Variants in SRP68 observed in about 807,000 individuals in gnomAD.
The protein encoded by SRP68 is signal recognition particle 68, also known as signal recognition particle subunit SRP68.
SRP68 carries 15 observed loss-of-function variants against 82.2 expected under a neutral mutation model. The ratio of observed to expected loss-of-function variants is 0.18; its 90% CI spans 0.12 to 0.28. SRP68 has a LOEUF of 0.28. Ranked by LOEUF, SRP68 falls within the 10% of genes least tolerant of loss-of-function variation. SRP68 has a pLI of 1.00. For synonymous variants in SRP68, 261 were observed against 292.6 expected, an observed-to-expected ratio of 0.89 and a Z score of 1.10; for missense variants, 595 against 780.5, an observed-to-expected ratio of 0.76 and a Z score of 2.83.
intron 12 of SRP68, 65 bp from the exon 13 acceptor site, chr17:76,044,023 T>C: frequency 6.5e-7 from 1 of 1,546,218 alleles, no homozygotes; most frequent in South Asian, 1.2e-5. Flanking sequence ...AAGGCTTTCC[T>C]TGCAGTTTAG....
At position 76,072,446 on chromosome 17, in the gene SRP68, TGCC is replaced by T. The variant is rs536477130; in HGVS notation, c.43_45del (p.Gly15del). On this transcript the variant is annotated inframe_deletion, in exon 1 of 16. Transcript: ENST00000307877. The surrounding 1 kb of genome is among the most constrained non-coding windows in gnomAD (Gnocchi z 4.5). ...CCGCCACTGCCACCGCCGCCGCCAC[TGCC>T]GCCGCCGCCGCCGCCGCCTGGGACC... The T allele has an allele frequency of 2.7e-4, 429 of 1,566,704 alleles. No individual in the cohort carries two copies. Among genetic ancestry groups the T allele is most frequent in the Admixed American group, 1.4e-3 (78 of 57,150 alleles).
rs948212781 is a variant in SRP68 at position 76,063,581 on chromosome 17, G to A, written c.561+395C>T. ...CACGTGCCTATAATCCCACCTACTCGGGAGGCTGAGGCAGGAGAATTGCTT... is the reference window on the plus strand; with the variant it reads ...CACGTGCCTATAATCCCACCTACTCAGGAGGCTGAGGCAGGAGAATTGCTT... On this transcript the variant is annotated intron_variant, in intron 4 of 15. Coordinates refer to ENST00000307877, the MANE Select transcript of SRP68 (RefSeq NM_014230.4). Among the ~76,000 whole-genome samples the A allele has an allele frequency of 4.6e-5, 7 of 151,792 alleles. No individual in the cohort carries two copies. In the South Asian group the frequency reaches 6.2e-4, roughly 14 times the overall value.
At position 76,062,705 on chromosome 17, in the gene SRP68, AT is replaced by A. The variant is rs2066770868; in HGVS notation, c.562-1132del. Among the ~76,000 whole-genome samples, 3 of 77,584 alleles carry A rather than the reference AT, an allele frequency of 3.9e-5. 1 individual carries two copies. The highest frequency in any genetic ancestry group is 2.0e-4 in the African/African-American group (3 of 15,114). 50.9% of individuals were successfully genotyped at this position (77,584 alleles called of 152,430 possible). On this transcript the variant is annotated intron_variant, in intron 4 of 15. Transcript: ENST00000307877. ...ATATAATATACATTATATATTGTATATTATACAATATATTATATTTATTTTA... is the reference window on the plus strand; with the variant it reads ...ATATAATATACATTATATATTGTATATATACAATATATTATATTTATTTTA...
rs551672640 is a variant in SRP68, at chr17:76,040,051, C to T, written c.1657-118G>A. Reference sequence around the variant, plus strand: ...ACAGGGGCCATCTCACTCAATCACTCAATCCCGACAGCCTCCTACGAGGAG... The same window carrying T: ...ACAGGGGCCATCTCACTCAATCACTTAATCCCGACAGCCTCCTACGAGGAG... On this transcript the variant is annotated intron_variant, in intron 15 of 15. Transcript: ENST00000307877. 7.5e-5 allele frequency: 73 copies of T among 969,214 alleles called. 1 individual carries two copies. In the African/African-American group the frequency reaches 1.1e-3, roughly 15 times the overall value. The allele number at this position is 969,214 out of a possible 1,614,324, so 60.0% of individuals were successfully genotyped here.
In SRP68 at chr17:76,050,612, G is replaced by T. The variant is rs557232153; in HGVS notation, c.979-86C>A. The T allele has an allele frequency of 3.2e-4, 274 of 863,576 alleles. No homozygotes were observed. The African/African-American group carries it at 4.0e-3, about 13-fold the overall frequency. The allele number at this position is 863,576 out of a possible 1,614,324, so 53.5% of individuals were successfully genotyped here. A position where few individuals can be genotyped will look rare whatever the true frequency, so the allele number is the denominator to read the frequency against. On this transcript the variant is annotated intron_variant, in intron 8 of 15. Coordinates refer to ENST00000307877, the MANE Select transcript of SRP68 (RefSeq NM_014230.4). ...GGAGAGGAGCAAAATCGCACATGGA[G>T]TCCCCCAACCACACACTCACTCACG...
At position 76,046,131 on chromosome 17, in the gene SRP68, C is replaced by T. The variant is rs1422165720; in HGVS notation, c.1206G>A (p.Leu402=). 1.9e-6 allele frequency: 3 copies of T among 1,613,862 alleles called. No individual in the cohort carries two copies. The African/African-American group carries it at 4.0e-5, about 22-fold the overall frequency. ...GCTGCTGCTGCAGCAGAGCCCTCTG[C>T]AGACCTTTGGCCATGTTCTCATTAC... ...IKRNENMAKG[L]QRALLQQQPE... Residue 402 remains leucine (L), a synonymous_variant, in exon 11 of 16, where the codon CTG becomes CTA. Transcript: ENST00000307877.
intron 4 of SRP68, among the ~76,000 whole-genome samples, chr17:76,062,652 A>G (rs1174238014): frequency 3.1e-5 from 1 of 32,612 alleles, no homozygotes; most frequent in South Asian, 4.5e-4. Flanking sequence ...AATATACATT[A>G]TATATTATAT....
chr17:76,060,285 CA>C (rs766062435), intron 7 of SRP68, 22 bp downstream of exon 7: 1 of 1,577,938 alleles, frequency 6.3e-7, no homozygotes, highest in Non-Finnish European at 8.7e-7. Flanking sequence ...AGACTTTTCA[CA>C]AAAATGTACA....
intron 3 of SRP68, among the ~76,000 whole-genome samples, chr17:76,064,952 A>T (rs1448929939): frequency 6.6e-6 from 1 of 152,112 alleles, no homozygotes; most frequent in African/African-American, 2.4e-5. Context: ...GACTGTGGGC[A>T]AAGTACTAAC....
intron 6 of SRP68, chr17:76,060,880 C>T (rs951696041): frequency 2.4e-5 from 12 of 498,784 alleles, no homozygotes; most frequent in Non-Finnish European, 3.5e-5. Context: ...GACTGCTCTT[C>T]GGGGGTACAC....
In SRP68 at chr17:76,072,511, G is replaced by A. The variant is rs1298200258; in HGVS notation, c.-20C>T. 1.9e-6 allele frequency: 3 copies of A among 1,577,722 alleles called. No homozygotes were observed. The highest frequency in any genetic ancestry group is 2.7e-5 in the African/African-American group (2 of 73,792). ...AGCCATCTTGCCCCTGCGCCGCAGA[G>A]CAAGACGGGATAGGGGAGGCGGGAC... On this transcript the variant is annotated 5_prime_UTR_variant, in exon 1 of 16. Coordinates refer to ENST00000307877, the MANE Select transcript of SRP68 (RefSeq NM_014230.4). This position sits in a 1 kb window ranked among gnomAD's most constrained non-coding sequence, Gnocchi z 4.5.
Position 76,039,077 on chromosome 17 carries a change from G to A in SRP68, c.*629C>T, listed in dbSNP as rs2144471009. ...GGAGAGAACGGGGACTGGACATGAG[G>A]GAGGGCATATAAGAAATGGGCACAG... On this transcript the variant is annotated 3_prime_UTR_variant, in exon 16 of 16. Coordinates refer to ENST00000307877, the MANE Select transcript of SRP68 (RefSeq NM_014230.4). 3.3e-6 allele frequency: 1 copy of A among 303,040 alleles called. No individual in the cohort carries two copies. Among genetic ancestry groups the A allele is most frequent in the East Asian group, 7.8e-5 (1 of 12,842 alleles). The allele number at this position is 303,040 out of a possible 1,614,324, so 18.8% of individuals were successfully genotyped here.
intron 8 of SRP68, among the ~76,000 whole-genome samples, chr17:76,052,803 CAAA>C (rs1235799698): frequency 2.6e-5 from 2 of 76,322 alleles, no homozygotes; most frequent in East Asian, 4.1e-4. Context: ...GACTCCATCT[CAAA>C]AAAAAAAAAA....
chr17:76,068,882 C>T (rs2066827071), intron 2 of SRP68, among the ~76,000 whole-genome samples: 1 of 152,122 alleles, frequency 6.6e-6, no homozygotes, highest in South Asian at 2.1e-4. Context: ...GGCACTATGG[C>T]ATGTGCCACC....
At chr17:76,064,838 C>T (rs2066794683) in intron 3 of SRP68, among the ~76,000 whole-genome samples, 1 of 98,762 alleles carries the variant, frequency 1.0e-5, no homozygotes, top group Non-Finnish European at 1.9e-5. Flanking sequence ...AAGACTCCAT[C>T]TCAAAAAAAA....
chr17:76,050,387 C>T (rs758091248), intron 9 of SRP68, 41 bp downstream of exon 9: 16 of 1,459,286 alleles, frequency 1.1e-5, no homozygotes, highest in South Asian at 9.1e-5. Flanking sequence ...CTGACCTGGA[C>T]CCGCCCAGAG....
rs755013769 is a variant in SRP68 at position 76,072,413 on chromosome 17, T to TACCGCCGCCGCCACTGCC, written c.61_78dup (p.Gly21_Gly26dup). 660 of 1,595,666 alleles carry TACCGCCGCCGCCACTGCC rather than the reference T, an allele frequency of 4.1e-4. 2 individuals carry two copies. Among genetic ancestry groups the TACCGCCGCCGCCACTGCC allele is most frequent in the Middle Eastern group, 1.4e-3 (8 of 5,768 alleles). Reference sequence around the variant, plus strand: ...CCTCCGGCACCACGTCCACCGCCGCTACCGCCGCCGCCACTGCCACCGCCG... The same window carrying TACCGCCGCCGCCACTGCC: ...CCTCCGGCACCACGTCCACCGCCGCTACCGCCGCCGCCACTGCCACCGCCGCCGCCACTGCCACCGCCG... On this transcript the variant is annotated inframe_insertion, in exon 1 of 16. Coordinates refer to ENST00000307877, the MANE Select transcript of SRP68 (RefSeq NM_014230.4). This position sits in a 1 kb window ranked among gnomAD's most constrained non-coding sequence, Gnocchi z 4.5.
chr17:76,070,819 G>A (rs1198458881), intron 1 of SRP68, among the ~76,000 whole-genome samples: 3 of 150,528 alleles, frequency 2.0e-5, no homozygotes, highest in African/African-American at 7.4e-5. Flanking sequence ...TCCAGCCTAG[G>A]TGAGAGTGAG....
intron 4 of SRP68, among the ~76,000 whole-genome samples, chr17:76,062,472 C>A: frequency 8.7e-6 from 1 of 114,696 alleles, no homozygotes; most frequent in Non-Finnish European, 1.7e-5. Flanking sequence ...AAAACCCAAA[C>A]AAAGAATATG....
Sources: allele counts gnomAD v4.1 joint callset (sites outside exome capture counted in the v4.1 genomes callset), GRCh38; gene constraint gnomAD v4.1.1; non-coding constraint Gnocchi (gnomAD v3.1); transcripts MANE v1.5; gene names NCBI Gene and HGNC (gene_info 2026-07-23, HGNC 2026-07-21).